Variants in SOX6 observed in about 807,000 individuals in gnomAD.
SOX6 encodes SRY-box transcription factor 6.
A neutral mutation model predicts 97.8 loss-of-function variants in SOX6; 11 were observed. That is an observed-to-expected ratio of 0.11 (90% CI 0.07 to 0.19). SOX6 has a LOEUF of 0.19. SOX6 is among the 10% of genes least tolerant of loss of function. SOX6 has a pLI of 1.00. For missense variants in SOX6, 810 were observed against 1,039.5 expected, an observed-to-expected ratio of 0.78 and a Z score of 3.04; for synonymous variants, 360 against 371.4, an observed-to-expected ratio of 0.97 and a Z score of 0.35.
At chr11:16,267,675 C>T (rs1056787119) in intron 3 of SOX6, among the ~76,000 whole-genome samples, 1 of 151,504 alleles carries the variant, frequency 6.6e-6, no homozygotes, top group Non-Finnish European at 1.5e-5. Context: ...ACATATAATC[C>T]AGCAATTCCA....
chr11:16,210,119 A>T (rs953396963), intron 4 of SOX6, among the ~76,000 whole-genome samples: 1 of 152,218 alleles, frequency 6.6e-6, no homozygotes, highest in African/African-American at 2.4e-5. Context: ...TAGATGACCC[A>T]GCAATTCCAT....
At chr11:16,638,174 C>T (rs1440072967) in intron 3 of SOX6, among the ~76,000 whole-genome samples, 3 of 151,030 alleles carry the variant, frequency 2.0e-5, no homozygotes, top group South Asian at 2.1e-4. Context: ...TTTGTCCTTG[C>T]GATAGTTTGC....
At chr11:16,503,267 A>G (rs1042592007) in intron 4 of SOX6, among the ~76,000 whole-genome samples, 2 of 151,514 alleles carry the variant, frequency 1.3e-5, no homozygotes, top group Non-Finnish European at 2.9e-5. Context: ...AAAAAAAAAA[A>G]CATGAAAGTA....
chr11:16,513,425 A>C (rs951532324), intron 4 of SOX6, among the ~76,000 whole-genome samples: 1 of 151,712 alleles, frequency 6.6e-6, no homozygotes, highest in Non-Finnish European at 1.5e-5. Context: ...TTGAGGTCAG[A>C]AGTTTGAGAC....
At position 16,186,855 on chromosome 11, in the gene SOX6, C is replaced by T; in HGVS notation, c.636G>A (p.Gln212=). 1 of 1,613,728 alleles carries T rather than the reference C, an allele frequency of 6.2e-7. No homozygotes were observed. Among genetic ancestry groups the T allele is most frequent in the Admixed American group, 1.7e-5 (1 of 59,978 alleles). The change falls in exon 5 of 16, where the codon CAG becomes CAA. Residue 212 remains glutamine (Q), a synonymous_variant. Coordinates refer to ENST00000683767, the MANE Select transcript of SOX6 (RefSeq NM_001367873.1). The part of the protein sequence containing the change: ...REQLLAAHDE[Q]KKLAASQIEK... ...CAATTTGTGACGCTGCCAGTTTTTT[C>T]TGTTCATCATGCGCTGCCAGTAGCT...
chr11:16,031,668 C>T (rs1252803996), intron 12 of SOX6, among the ~76,000 whole-genome samples: 1 of 151,812 alleles, frequency 6.6e-6, no homozygotes, highest in Non-Finnish European at 1.5e-5. Context: ...GAGACTGCAC[C>T]CTAACTGCAG....
intron 9 of SOX6, among the ~76,000 whole-genome samples, chr11:16,084,806 T>A (rs748920873): frequency 8.5e-5 from 13 of 152,100 alleles, no homozygotes; most frequent in Non-Finnish European, 1.5e-4. Flanking sequence ...TGTTTCACAG[T>A]GGGGTATGTC....
intron 3 of SOX6, among the ~76,000 whole-genome samples, chr11:16,298,915 A>T (rs1855172775): frequency 6.6e-6 from 1 of 152,130 alleles, no homozygotes; most frequent in South Asian, 2.1e-4. Context: ...GAAATAAGAT[A>T]CTGAACTAAT....
intron 1 of SOX6, among the ~76,000 whole-genome samples, chr11:16,452,116 T>C (rs1354182499): frequency 1.3e-5 from 2 of 152,194 alleles, no homozygotes; most frequent in South Asian, 2.1e-4. Flanking sequence ...GTGGGATATA[T>C]CTGCATAAAT....
At chr11:16,250,289 T>TTC (rs1853470483) in intron 3 of SOX6, among the ~76,000 whole-genome samples, 2 of 7,868 alleles carry the variant, frequency 2.5e-4, no homozygotes, top group Non-Finnish European at 7.3e-4. Context: ...CGGCCTTGCC[T>TTC]TTTTTAGAAT....
chr11:16,029,504 C>T (rs1323714326), intron 12 of SOX6, among the ~76,000 whole-genome samples: 2 of 152,026 alleles, frequency 1.3e-5, no homozygotes, highest in Non-Finnish European at 2.9e-5. Flanking sequence ...GGCGTGGTAG[C>T]GGGCTCCTGT....
chr11:16,604,878 C>A (rs572874564), intron 4 of SOX6, among the ~76,000 whole-genome samples: 1 of 152,242 alleles, frequency 6.6e-6, no homozygotes, highest in Non-Finnish European at 1.5e-5. Context: ...CTGCTCCGAA[C>A]ACACCAATTC....
At chr11:16,259,707 A>G (rs1241171440) in intron 3 of SOX6, among the ~76,000 whole-genome samples, 1 of 152,194 alleles carries the variant, frequency 6.6e-6, no homozygotes, top group African/African-American at 2.4e-5. Flanking sequence ...GTTCAAGAAG[A>G]AAACAAAATT....
At chr11:16,652,112 A>G (rs1847661912) in intron 3 of SOX6, among the ~76,000 whole-genome samples, 1 of 152,190 alleles carries the variant, frequency 6.6e-6, no homozygotes, top group African/African-American at 2.4e-5. Flanking sequence ...GAAATTATCA[A>G]TGACATAAAC....
intron 4 of SOX6, among the ~76,000 whole-genome samples, chr11:16,214,950 A>G (rs1177445907): frequency 2.0e-5 from 3 of 151,964 alleles, no homozygotes; most frequent in Non-Finnish European, 4.4e-5. Context: ...GGGTTTTACC[A>G]TGTTGATCCG....
chr11:16,186,816 C>A lies in SOX6; in HGVS notation c.675G>T (p.Gln225His), dbSNP rs1220791290. The A allele has an allele frequency of 1.3e-5, 21 of 1,613,470 alleles. No homozygotes were observed. The highest frequency in any genetic ancestry group is 1.8e-5 in the Non-Finnish European group (21 of 1,179,848). ...LAASQIEKQR[Q>H]QMDLARQQQE... is the part of the protein sequence containing the mutation. ...GCTGTTGGCGAGCAAGGTCCATTTG[C>A]TGCCGTTGTTTCTCAATTTGTGACG... The change falls in exon 5 of 16, where the codon CAG becomes CAT. Residue 225 changes from glutamine (Q) to histidine (H), a missense_variant. Physicochemically the swap from Gln to His is conservative, Grantham distance 24 (BLOSUM62 0). Around this residue, in one of 9 missense-constraint regions of SOX6, gnomAD observed 110 missense variants for 119.0 expected, o/e 0.92. Transcript: ENST00000683767.
chr11:16,485,801 G>A (rs1029135448), intron 4 of SOX6, among the ~76,000 whole-genome samples: 3 of 150,022 alleles, frequency 2.0e-5, no homozygotes, highest in African/African-American at 7.4e-5. Context: ...GGCTGAGGCA[G>A]GAAGACCACT....
intron 11 of SOX6, among the ~76,000 whole-genome samples, chr11:16,049,473 T>A (rs1847627859): frequency 6.6e-6 from 1 of 152,182 alleles, no homozygotes; most frequent in African/African-American, 2.4e-5. Flanking sequence ...ATTATCTCAG[T>A]GTCAAAGCAC....
intron 9 of SOX6, among the ~76,000 whole-genome samples, chr11:16,091,548 G>C (rs1848687662): frequency 6.6e-6 from 1 of 152,002 alleles, no homozygotes; most frequent in Non-Finnish European, 1.5e-5. Context: ...AATGCTGATG[G>C]GCACTTCTTT....
Sources: allele counts gnomAD v4.1 joint callset (sites outside exome capture counted in the v4.1 genomes callset), GRCh38; gene constraint gnomAD v4.1.1; regional missense constraint gnomAD v4.1.1; transcripts MANE v1.5; gene names NCBI Gene and HGNC (gene_info 2026-07-23, HGNC 2026-07-21).